LMNA: variants seen among roughly 807,000 people sequenced by gnomAD.
LMNA encodes the protein lamin.
A neutral mutation model predicts 70.4 loss-of-function variants in LMNA; 20 were observed. That is an observed-to-expected ratio of 0.28 (90% CI 0.20 to 0.41). LMNA has a LOEUF of 0.41. Ranked by LOEUF, LMNA falls within the 10% of genes least tolerant of loss-of-function variation. The pLI is 1.00. For synonymous variants in LMNA, 339 were observed against 372.8 expected (o/e 0.91, Z 1.04); for missense variants, 652 against 917.2 (o/e 0.71, Z 3.73).
rs556985558 is a variant in LMNA at position 156,126,797 on chromosome 1, A to T, written c.357-3820A>T. ...CCAGCCCTTCTCGCCTCAAGAGGCC[A>T]CTGGGATGCAGCCACTCCTGTGCTT... On this transcript the variant is annotated intron_variant, in intron 1 of 11. Coordinates refer to ENST00000368300, the MANE Select transcript of LMNA (RefSeq NM_170707.4). 1.0e-5 allele frequency: 16 copies of T among 1,607,792 alleles called. No homozygotes were observed. In the East Asian group the frequency reaches 3.1e-4, roughly 31 times the overall value.
chr1:156,105,595 G>T (rs574456485), intron 3 of LMNA, among the ~76,000 whole-genome samples: 7 of 152,314 alleles, frequency 4.6e-5, no homozygotes, highest in Admixed American at 4.6e-4. Context: ...GGCTGCAGGG[G>T]CTGTGGACTG....
intron 2 of LMNA, among the ~76,000 whole-genome samples, chr1:156,133,812 C>A (rs945618188): frequency 6.6e-6 from 1 of 152,080 alleles, no homozygotes; most frequent in African/African-American, 2.4e-5. Flanking sequence ...CTTGTTTCTG[C>A]CCTTGAAATC....
At chr1:156,084,334 G>C (rs1414363400) in intron 2 of LMNA, among the ~76,000 whole-genome samples, 4 of 64,130 alleles carry the variant, frequency 6.2e-5, no homozygotes, top group African/African-American at 9.9e-5. Flanking sequence ...AGGTCGGGGG[G>C]TGGTGGGGGC....
At chr1:156,111,420 G>A (rs960567425), upstream of LMNA, among the ~76,000 whole-genome samples, 1 of 150,146 alleles carries the variant, frequency 6.7e-6, no homozygotes, top group African/African-American at 2.5e-5. Flanking sequence ...TTGCACTTCA[G>A]CCTGGGTGAC....
chr1:156,086,831 GT>G (rs1648499016), intron 2 of LMNA, among the ~76,000 whole-genome samples: 1 of 152,186 alleles, frequency 6.6e-6, no homozygotes, highest in Non-Finnish European at 1.5e-5. Flanking sequence ...TAGAGACGGG[GT>G]TTCACCATCT....
At chr1:156,128,971 G>C (rs1206596919) in intron 1 of LMNA, among the ~76,000 whole-genome samples, 1 of 152,218 alleles carries the variant, frequency 6.6e-6, no homozygotes, top group Non-Finnish European at 1.5e-5. Context: ...CCCTGCAGCT[G>C]CTTCAGCTTC....
chr1:156,132,098 G>A (rs1242690546), intron 2 of LMNA, among the ~76,000 whole-genome samples: 1 of 152,140 alleles, frequency 6.6e-6, no homozygotes, highest in Non-Finnish European at 1.5e-5. Context: ...TTTGAACCCA[G>A]GATCAGAGGT....
intron 2 of LMNA, among the ~76,000 whole-genome samples, chr1:156,086,725 C>T (rs1396217874): frequency 4.6e-5 from 7 of 152,296 alleles, no homozygotes; most frequent in Admixed American, 2.6e-4. Flanking sequence ...CTGCAACCTC[C>T]GCCTCCTGGG....
chr1:156,134,359 T>C lies in LMNA; in HGVS notation c.514-44T>C. On this transcript the variant is annotated intron_variant, in intron 2 of 11. Coordinates refer to ENST00000368300, the MANE Select transcript of LMNA (RefSeq NM_170707.4). This position sits in a 1 kb window ranked among gnomAD's most constrained non-coding sequence, Gnocchi z 5.3. ...CCTCTCAGCTTCCTTCCAGTTCTTG[T>C]GTTCTGTGACCCCTTTTCCTCATCT... 1 of 1,611,250 alleles carries C rather than the reference T, an allele frequency of 6.2e-7. No individual in the cohort carries two copies. The highest frequency in any genetic ancestry group is 8.5e-7 in the Non-Finnish European group (1 of 1,178,630).
At chr1:156,117,130 ATGTTGGCTAGGCTGG>A (rs1341948269) in intron 1 of LMNA, among the ~76,000 whole-genome samples, 4 of 134,460 alleles carry the variant, frequency 3.0e-5, no homozygotes, top group African/African-American at 1.1e-4. Flanking sequence ...GGGTTTCACC[ATGTTGGCTAGGCTGG>A]TCTCAAACTC....
intron 1 of LMNA, among the ~76,000 whole-genome samples, chr1:156,118,445 C>G (rs2102827708): frequency 6.6e-6 from 1 of 152,186 alleles, no homozygotes; most frequent in East Asian, 1.9e-4. Context: ...GGTGTGTGTA[C>G]TTGTTATATT....
intron 2 of LMNA, among the ~76,000 whole-genome samples, chr1:156,085,407 C>G (rs1648440130): frequency 6.6e-6 from 1 of 152,174 alleles, no homozygotes; most frequent in Non-Finnish European, 1.5e-5. Flanking sequence ...TTGCCTGATC[C>G]AGAATTATGG....
chr1:156,106,687 C>G (rs1479623354), intron 3 of LMNA: 16 of 124,164 alleles, frequency 1.3e-4, no homozygotes, highest in African/African-American at 3.7e-4. Flanking sequence ...AGCGTTCCCC[C>G]CTTAACACCT....
chr1:156,127,403 G>T (rs1650677051), intron 1 of LMNA, among the ~76,000 whole-genome samples: 1 of 151,482 alleles, frequency 6.6e-6, no homozygotes, highest in Non-Finnish European at 1.5e-5. Flanking sequence ...TTCCCTCTCT[G>T]CTCGTGGTTT....
Position 156,134,930 on chromosome 1 carries a change from G to A in LMNA, c.765G>A (p.Gln255=), listed in dbSNP as rs1651412868. Residue 255 remains glutamine, a synonymous_variant, in exon 4 of 12, where the codon CAG becomes CAA. Transcript: ENST00000368300. The surrounding 1 kb of genome is among the most constrained non-coding windows in gnomAD (Gnocchi z 5.3). ...LQELRAQHED[Q]VEQYKKELEK... is the part of the protein sequence containing the mutation. ...AACTGCGGGCCCAGCATGAGGACCA[G>A]GTGGAGCAGTATAAGAAGGAGCTGG... 6.2e-7 allele frequency: 1 copy of A among 1,614,252 alleles called. No individual in the cohort carries two copies. Among genetic ancestry groups the A allele is most frequent in the Non-Finnish European group, 8.5e-7 (1 of 1,180,048 alleles).
chr1:156,124,176 G>GCACC (rs1441009853), intron 1 of LMNA, among the ~76,000 whole-genome samples: 1 of 152,144 alleles, frequency 6.6e-6, no homozygotes, highest in African/African-American at 2.4e-5. Context: ...TCATCCTGGG[G>GCACC]CACCTGTGGG....
intron 3 of LMNA, among the ~76,000 whole-genome samples, chr1:156,094,448 TCTGCCTCAG>T (rs1387955135): frequency 1.3e-5 from 2 of 150,414 alleles, no homozygotes; most frequent in African/African-American, 4.9e-5. Context: ...AAGTGATTCT[TCTGCCTCAG>T]CCTCCCGAGT....
In LMNA at chr1:156,136,463, G is replaced by C. The variant is rs771254936; in HGVS notation, c.1380+27G>C. Reference sequence around the variant, plus strand: ...TAGGCTCCTGCTCAGGGTCTAAGGGGATACAGCTGCATCAGGGAGAGAGTG... The same window carrying C: ...TAGGCTCCTGCTCAGGGTCTAAGGGCATACAGCTGCATCAGGGAGAGAGTG... On this transcript the variant is annotated intron_variant, in intron 7 of 11. Coordinates refer to ENST00000368300, the MANE Select transcript of LMNA (RefSeq NM_170707.4). This position sits in a 1 kb window ranked among gnomAD's most constrained non-coding sequence, Gnocchi z 6.1. 2.5e-5 allele frequency: 38 copies of C among 1,543,828 alleles called. No homozygotes were observed. The highest frequency in any genetic ancestry group is 7.8e-5 in the Admixed American group (4 of 51,158).
chr1:156,104,176 G>A (rs1174247954), intron 3 of LMNA, among the ~76,000 whole-genome samples: 1 of 152,230 alleles, frequency 6.6e-6, no homozygotes. Context: ...GGCAGGGGTC[G>A]GGGTGATCCC....
Sources: gnomAD v4.1 joint callset for allele counts (sites outside exome capture counted in the v4.1 genomes callset) on GRCh38, gnomAD v4.1.1 for gene constraint, Gnocchi (gnomAD v3.1) non-coding constraint, MANE v1.5 for transcripts, NCBI Gene and HGNC (gene_info 2026-07-23, HGNC 2026-07-21) for gene names.